Variants in USP51 observed in about 807,000 individuals in gnomAD.
USP51 encodes ubiquitin specific peptidase 51.
USP51 carries 5 observed loss-of-function variants against 17.6 expected under a neutral mutation model. The observed-to-expected ratio is 0.28, with a 90% confidence interval of 0.15 to 0.60. USP51 has a LOEUF of 0.60. Ranked by LOEUF, USP51 falls within the 20% of genes least tolerant of loss-of-function variation. The pLI is 0.88. For synonymous variants in USP51, 248 were observed against 216.1 expected (o/e 1.15, Z -1.29); for missense variants, 459 against 559.5 (o/e 0.82, Z 1.81).
rs1433163932 is a variant in USP51, at chrX:55,488,720, A to G, written c.220T>C (p.Trp74Arg). 12 of 1,204,131 alleles carry G rather than the reference A, an allele frequency of 1.0e-5. No individual in the cohort carries two copies. Among genetic ancestry groups the G allele is most frequent in the Non-Finnish European group, 1.3e-5 (12 of 895,361 alleles). ...REPAPEENLT[W>R]SSSGGDEKVL... Reference sequence around the variant, plus strand: ...TTCTCGTCGCCGCCGCTGCTGCTCCACGTCAAGTTCTCCTCCGGCGCGGGC... The same window carrying G: ...TTCTCGTCGCCGCCGCTGCTGCTCCGCGTCAAGTTCTCCTCCGGCGCGGGC... The change falls in exon 3 of 3, where the codon TGG (tryptophan) becomes CGG (arginine). Residue 74 changes from tryptophan (W) to arginine (R), a missense_variant. This residue lies in a region of USP51 where 232 missense variants were observed against 194.0 expected (regional missense o/e 1.20). Transcript: ENST00000500968.
Position 55,487,987 on chromosome X carries a change from T to C in USP51, c.953A>G (p.Asp318Gly), listed in dbSNP as rs1417981509. 1 of 1,205,434 alleles carries C rather than the reference T, an allele frequency of 8.3e-7. No homozygotes were observed. Among genetic ancestry groups the C allele is most frequent in the Admixed American group, 2.2e-5 (1 of 45,247 alleles). ...TGTCATAAACTGTTGATGAGAAACATCTGTTGAGGTGGAAGTTAATAATCT... is the reference window on the plus strand; with the variant it reads ...TGTCATAAACTGTTGATGAGAAACACCTGTTGAGGTGGAAGTTAATAATCT... ...ILRLLTSTST[D>G]VSHQQFMTSG... is the part of the protein sequence containing the mutation. Residue 318 changes from aspartate (D) to glycine (G), a missense_variant, in exon 3 of 3, where the codon GAT (aspartate) becomes GGT (glycine). By Grantham distance (94) the Asp-to-Gly change is moderately conservative. Transcript: ENST00000500968.
At position 55,487,524 on chromosome X, in the gene USP51, C is replaced by T. The variant is rs1356444665; in HGVS notation, c.1416G>A (p.Gln472=). Residue 472 remains glutamine, a synonymous_variant, in exon 3 of 3, where the codon CAG becomes CAA. Coordinates refer to ENST00000500968, the MANE Select transcript of USP51 (RefSeq NM_201286.4). ...TACAGCAGTTGGGGTTATTGGCCTC[C>T]TGCCCACCACTATCATCTTTGCTGT... ...HRHSKDDSGG[Q]EANNPNCCNC... 9 of 1,210,428 alleles carry T rather than the reference C, an allele frequency of 7.4e-6. No homozygotes were observed. Among genetic ancestry groups the T allele is most frequent in the Non-Finnish European group, 1.0e-5 (9 of 895,407 alleles).
At position 55,487,280 on chromosome X, in the gene USP51, G is replaced by A; in HGVS notation, c.1660C>T (p.Gln554Ter). 2 of 1,211,432 alleles carry A rather than the reference G, an allele frequency of 1.7e-6. No homozygotes were observed. The highest frequency in any genetic ancestry group is 2.2e-6 in the Non-Finnish European group (2 of 895,382). Residue 554 changes from glutamine to a stop codon, truncating the protein, a stop_gained, in exon 3 of 3, where the codon CAG becomes TAG. Coordinates refer to ENST00000500968, the MANE Select transcript of USP51 (RefSeq NM_201286.4). LOFTEE classifies it high-confidence loss of function. ...PGIPSLTDCL[Q>*]WFTRPEHLGS... Reference sequence around the variant, plus strand: ...AGGTGCTCTGGCCTTGTAAACCACTGTAGACAGTCTGTAAGTGAGGGGATT... The same window carrying A: ...AGGTGCTCTGGCCTTGTAAACCACTATAGACAGTCTGTAAGTGAGGGGATT...
At position 55,489,002 on chromosome X, in the gene USP51, G is replaced by A; in HGVS notation, c.-49-14C>T. On this transcript the variant is annotated splice_polypyrimidine_tract_variant and intron_variant, in intron 2 of 2. Coordinates refer to ENST00000500968, the MANE Select transcript of USP51 (RefSeq NM_201286.4). ...AAACAGCTGCGACTGTAGATGAAAG[G>A]AGACAGAGACTTCTGTGAATGATCT... is the stretch of plus-strand genomic sequence containing the variant. 8.7e-7 allele frequency: 1 copy of A among 1,146,223 alleles called. No homozygotes were observed. Among genetic ancestry groups the A allele is most frequent in the Non-Finnish European group, 1.2e-6 (1 of 856,322 alleles). 94.5% of individuals were successfully genotyped at this position (1,146,223 alleles called of 1,213,427 possible).
At position 55,488,649 on chromosome X, in the gene USP51, G is replaced by C. The variant is rs1409185507; in HGVS notation, c.291C>G (p.Pro97=). 1 of 1,182,063 alleles carries C rather than the reference G, an allele frequency of 8.5e-7. No homozygotes were observed. The highest frequency in any genetic ancestry group is 1.1e-6 in the Non-Finnish European group (1 of 885,699). The change falls in exon 3 of 3, where the codon CCC becomes CCG. Residue 97 remains proline (P), a synonymous_variant. Coordinates refer to ENST00000500968, the MANE Select transcript of USP51 (RefSeq NM_201286.4). The part of the protein sequence containing the change: ...IPLRCHSSSS[P]VCPRRKPRPR... ...GGCGGGGCTTGCGGCGCGGGCAAAC[G>C]GGCGAGGAGCTGCTGTGACAGCGAA...
In USP51 at chrX:55,485,572, A is replaced by C. The variant is rs886428079; in HGVS notation, c.*1232T>G. The C allele has an allele frequency of 3.7e-5, 4 of 109,162 alleles. No homozygotes were observed. The highest frequency in any genetic ancestry group is 7.6e-5 in the Non-Finnish European group (4 of 52,505). 9.0% of individuals were successfully genotyped at this position (109,162 alleles called of 1,213,427 possible). On this transcript the variant is annotated 3_prime_UTR_variant, in exon 3 of 3. Transcript: ENST00000500968. ...GTCGTTATTCCTGTCTCCTCCATTT[A>C]TTTCTTTCATACCCGTCTGTATTTT... is the stretch of plus-strand genomic sequence containing the variant.
Position 55,487,441 on chromosome X carries a change from G to A in USP51, c.1499C>T (p.Ala500Val). ...GGLQSDVTCQ[A>V]CHSVSTTIDP... ...TATGGTGGTAGAAACACTATGGCAG[G>A]CTTGACATGTGACATCTGATTGCAG... is the stretch of plus-strand genomic sequence containing the variant. Residue 500 changes from alanine (A) to valine (V), a missense_variant, in exon 3 of 3, where the codon GCC (alanine) becomes GTC (valine). Ala to Val is a moderately conservative substitution (Grantham distance 64). This residue lies in a region of USP51 where 227 missense variants were observed against 365.5 expected (regional missense o/e 0.62). Coordinates refer to ENST00000500968, the MANE Select transcript of USP51 (RefSeq NM_201286.4). 1 of 1,211,967 alleles carries A rather than the reference G, an allele frequency of 8.3e-7. No individual in the cohort carries two copies. The highest frequency in any genetic ancestry group is 1.1e-6 in the Non-Finnish European group (1 of 895,578).
Position 55,488,953 on chromosome X carries a change from G to A in USP51, c.-14C>T. On this transcript the variant is annotated 5_prime_UTR_variant, in exon 3 of 3. Coordinates refer to ENST00000500968, the MANE Select transcript of USP51 (RefSeq NM_201286.4). ...AACCTGGGCCATCAGATCACTCCCC[G>A]ACCTGAGGAGCAAGGCGTCTGGAAA... 1 of 1,195,028 alleles carries A rather than the reference G, an allele frequency of 8.4e-7. No homozygotes were observed. The highest frequency in any genetic ancestry group is 1.1e-6 in the Non-Finnish European group (1 of 887,217).
At position 55,487,833 on chromosome X, in the gene USP51, C is replaced by T. The variant is rs1161393973; in HGVS notation, c.1107G>A (p.Gly369=). The T allele has an allele frequency of 8.3e-7, 1 of 1,204,723 alleles. No individual in the cohort carries two copies. Among genetic ancestry groups the T allele is most frequent in the African/African-American group, 1.8e-5 (1 of 56,996 alleles). ...TVGLRGLINL[G]NTCFMNCIVQ... ...CAATACAATTCATAAAACAAGTGTT[C>T]CCAAGATTGATTAGCCCTCTCAGGC... The change falls in exon 3 of 3, where the codon GGG becomes GGA. Residue 369 remains glycine (G), a synonymous_variant. Coordinates refer to ENST00000500968, the MANE Select transcript of USP51 (RefSeq NM_201286.4).
Position 55,486,787 on chromosome X carries a change from T to C in USP51, c.*17A>G. ...GCCTAATCATTTACTTTTTTTTCAG[T>C]AAGTGGTCTGGTAAGACTAGTCTTT... On this transcript the variant is annotated 3_prime_UTR_variant, in exon 3 of 3. Coordinates refer to ENST00000500968, the MANE Select transcript of USP51 (RefSeq NM_201286.4). 2 of 1,160,101 alleles carry C rather than the reference T, an allele frequency of 1.7e-6. No homozygotes were observed. The highest frequency in any genetic ancestry group is 2.3e-6 in the Non-Finnish European group (2 of 872,102).
chrX:55,487,329 C>T lies in USP51; in HGVS notation c.1611G>A (p.Val537=), dbSNP rs145390872. The change falls in exon 3 of 3, where the codon GTG becomes GTA. Residue 537 remains valine (V), a synonymous_variant. Transcript: ENST00000500968. ...TTCCTGGTATGTGGTCATCCCTGCT[C>T]ACTGTGCTGTCAGCCCTCTCTGGGT... The part of the protein sequence containing the change: ...SQNPERADST[V]SRDDHIPGIP... The T allele has an allele frequency of 2.0e-5, 24 of 1,209,756 alleles. No homozygotes were observed. In the African/African-American group the frequency reaches 3.5e-4, roughly 18 times the overall value.
At chrX:55,489,549 C>T (rs2031393531) in intron 1 of USP51, among the ~76,000 whole-genome samples, 184 bp from the exon 2 acceptor site, 1 of 112,434 alleles carries the variant, frequency 8.9e-6, no homozygotes, top group South Asian at 3.7e-4. Context: ...CTCTTGCGCC[C>T]TCTCACGCTT....
chrX:55,489,323 C>A lies in USP51; in HGVS notation c.-204G>T, dbSNP rs752646738. On this transcript the variant is annotated 5_prime_UTR_variant, in exon 2 of 3. Coordinates refer to ENST00000500968, the MANE Select transcript of USP51 (RefSeq NM_201286.4). ...GACTGCTTTTTTGCGCCCTGCGCAG[C>A]CTCGCTTTGGTGCAGCTTCCTCTGA... 1.2e-4 allele frequency: 19 copies of A among 160,442 alleles called. No individual in the cohort carries two copies. Among genetic ancestry groups the A allele is most frequent in the Non-Finnish European group, 2.1e-4 (18 of 84,240 alleles). The allele number at this position is 160,442 out of a possible 1,213,427, so 13.2% of individuals were successfully genotyped here. A position where few individuals can be genotyped will look rare whatever the true frequency, so the allele number is the denominator to read the frequency against.
At position 55,488,374 on chromosome X, in the gene USP51, C is replaced by A; in HGVS notation, c.566G>T (p.Gly189Val). 8.3e-7 allele frequency: 1 copy of A among 1,211,555 alleles called. No individual in the cohort carries two copies. The change falls in exon 3 of 3, where the codon GGT (glycine) becomes GTT (valine). Residue 189 changes from glycine to valine, a missense_variant. By Grantham distance (109) the Gly-to-Val change is moderately radical. Around this residue, in one of 2 missense-constraint regions of USP51, gnomAD observed 232 missense variants for 194.0 expected, o/e 1.20. Coordinates refer to ENST00000500968, the MANE Select transcript of USP51 (RefSeq NM_201286.4). ...ATGAGAGCAGCCTGTGGGACCCTGACCAAACTCGACCTCCAGCAACCAGTC... is the reference window on the plus strand; with the variant it reads ...ATGAGAGCAGCCTGTGGGACCCTGAACAAACTCGACCTCCAGCAACCAGTC... ...LGDWLLEVEF[G>V]QGPTGCSHVE...
chrX:55,486,968 G>A lies in USP51; in HGVS notation c.1972C>T (p.His658Tyr), dbSNP rs775090591. The A allele has an allele frequency of 2.5e-6, 3 of 1,211,514 alleles. No individual in the cohort carries two copies. The highest frequency in any genetic ancestry group is 3.0e-5 in the East Asian group (1 of 33,836). ...KYSLFAVINH[H>Y]GTLESGHYTS... ...TAGTGGCCACTTTCCAAAGTTCCATGGTGATTAATCACTGCAAACAAGGAA... is the reference window on the plus strand; with the variant it reads ...TAGTGGCCACTTTCCAAAGTTCCATAGTGATTAATCACTGCAAACAAGGAA... Residue 658 changes from histidine (H) to tyrosine (Y), a missense_variant, in exon 3 of 3, where the codon CAT (histidine) becomes TAT (tyrosine). Coordinates refer to ENST00000500968, the MANE Select transcript of USP51 (RefSeq NM_201286.4).
Position 55,486,649 on chromosome X carries a change from C to A in USP51, c.*155G>T. On this transcript the variant is annotated 3_prime_UTR_variant, in exon 3 of 3. Coordinates refer to ENST00000500968, the MANE Select transcript of USP51 (RefSeq NM_201286.4). ...GTTAGTATTCATTTTTTTCTTCCGA[C>A]AGACCCATGGGCCATGCTAAAATAG... 1 of 720,755 alleles carries A rather than the reference C, an allele frequency of 1.4e-6. No homozygotes were observed. The highest frequency in any genetic ancestry group is 1.9e-6 in the Non-Finnish European group (1 of 518,189). 59.4% of individuals were successfully genotyped at this position (720,755 alleles called of 1,213,427 possible).
Position 55,486,328 on chromosome X carries a change from T to C in USP51, c.*476A>G, listed in dbSNP as rs745758255. The C allele has an allele frequency of 3.7e-3, 419 of 112,912 alleles. 2 individuals carry two copies. Among genetic ancestry groups the C allele is most frequent in the African/African-American group, 0.013 (397 of 31,139 alleles). 9.3% of individuals were successfully genotyped at this position (112,912 alleles called of 1,213,427 possible). A position where few individuals can be genotyped will look rare whatever the true frequency, so the allele number is the denominator to read the frequency against. On this transcript the variant is annotated 3_prime_UTR_variant, in exon 3 of 3. Transcript: ENST00000500968. Reference sequence around the variant, plus strand: ...AAAATCTTAAAAATGATTTTTTCCTTTTTAAATGTTTTTCTTTTAAAGCTC... The same window carrying C: ...AAAATCTTAAAAATGATTTTTTCCTCTTTAAATGTTTTTCTTTTAAAGCTC...
chrX:55,488,577 C>G lies in USP51; in HGVS notation c.363G>C (p.Ser121=). Residue 121 remains serine (S), a synonymous_variant, in exon 3 of 3, where the codon TCG becomes TCC. Coordinates refer to ENST00000500968, the MANE Select transcript of USP51 (RefSeq NM_201286.4). The stretch of plus-strand genomic sequence containing the variant: ...GCCGGGCTGGAGGCGGGGGTGGGGC[C>G]GAGAGCCCAGGCTGGCTGCGGGAGC... ...RARSRSQPGL[S]APPPPPARPP... 1.0e-5 allele frequency: 11 copies of G among 1,052,419 alleles called. No individual in the cohort carries two copies. Among genetic ancestry groups the G allele is most frequent in the Non-Finnish European group, 1.3e-5 (11 of 824,021 alleles). The allele number at this position is 1,052,419 out of a possible 1,213,427, so 86.7% of individuals were successfully genotyped here. A position where few individuals can be genotyped will look rare whatever the true frequency, so the allele number is the denominator to read the frequency against.
At position 55,488,784 on chromosome X, in the gene USP51, T is replaced by C. The variant is rs1267604886; in HGVS notation, c.156A>G (p.Glu52=). Residue 52 remains glutamate, a synonymous_variant, in exon 3 of 3, where the codon GAA becomes GAG. Coordinates refer to ENST00000500968, the MANE Select transcript of USP51 (RefSeq NM_201286.4). The stretch of plus-strand genomic sequence containing the variant: ...ATGGCTCCAGCTTCATCTCCTCGGC[T>C]TCACGTCTCGAAGACGCCTTCGTAG... ...AGATKASSRR[E]AEEMKLEPLQ... The C allele has an allele frequency of 8.3e-7, 1 of 1,210,578 alleles. No homozygotes were observed. Among genetic ancestry groups the C allele is most frequent in the Admixed American group, 2.2e-5 (1 of 46,116 alleles).
Sources: gnomAD v4.1 joint callset for allele counts (sites outside exome capture counted in the v4.1 genomes callset) on GRCh38, gnomAD v4.1.1 for gene constraint, gnomAD v4.1.1 regional missense constraint, MANE v1.5 for transcripts, NCBI Gene and HGNC (gene_info 2026-07-23, HGNC 2026-07-21) for gene names.